Variants in NGEF observed in about 807,000 individuals in gnomAD.
NGEF encodes the protein ephexin-1.
A neutral mutation model predicts 80.9 loss-of-function variants in NGEF; 31 were observed. The observed-to-expected ratio is 0.38, with a 90% confidence interval of 0.29 to 0.52. The LOEUF is 0.52. Among genes scored for constraint, NGEF ranks in the 20% least tolerant of loss-of-function variants. The pLI is 0.84. For missense variants in NGEF, 709 were observed against 926.2 expected, an observed-to-expected ratio of 0.77 and a Z score of 3.04; for synonymous variants, 371 against 370.2, an observed-to-expected ratio of 1.00 and a Z score of -0.03.
intron 3 of NGEF, among the ~76,000 whole-genome samples, chr2:232,968,773 A>C (rs1694120401): frequency 6.6e-6 from 1 of 152,212 alleles, no homozygotes; most frequent in Non-Finnish European, 1.5e-5. Context: ...CATGTGACCC[A>C]GTTTTGGCTA....
At chr2:232,919,227 C>A (rs1343288987) in intron 5 of NGEF, among the ~76,000 whole-genome samples, 1 of 152,086 alleles carries the variant, frequency 6.6e-6, no homozygotes, top group African/African-American at 2.4e-5. Context: ...TTTAAATAAA[C>A]AAGAGCAAAT....
In NGEF at chr2:233,000,702, G is replaced by C. The variant is rs576621733; in HGVS notation, c.-75+12366C>G. ...GTGAACCTGGGAGGCGGAGCTTGCA[G>C]TGAGCCGAGATCGCGCCACTGCACT... On this transcript the variant is annotated intron_variant, in intron 1 of 14. Coordinates refer to ENST00000264051, the MANE Select transcript of NGEF (RefSeq NM_019850.3). 2.0e-5 allele frequency among the ~76,000 whole-genome samples: 3 copies of C among 151,570 alleles called. No individual in the cohort carries two copies. The South Asian group carries it at 6.3e-4, about 32-fold the overall frequency.
intron 3 of NGEF, among the ~76,000 whole-genome samples, chr2:232,937,291 G>A (rs556217903): frequency 5.8e-4 from 88 of 152,198 alleles, no homozygotes; most frequent in African/African-American, 2.1e-3. Flanking sequence ...AGAACACAGT[G>A]ACCACTTTCC....
chr2:232,882,799 A>G (rs781148053), intron 12 of NGEF, among the ~76,000 whole-genome samples: 4 of 152,042 alleles, frequency 2.6e-5, no homozygotes, highest in Non-Finnish European at 4.4e-5. Flanking sequence ...GCTCACTGCA[A>G]CCTCCACAGT....
At chr2:232,926,959 G>T in intron 4 of NGEF, 85 bp downstream of exon 4, 1 of 1,542,012 alleles carries the variant, frequency 6.5e-7, no homozygotes, top group Non-Finnish European at 8.9e-7. Flanking sequence ...GAAACACAAC[G>T]GCATCCCATG....
intron 3 of NGEF, chr2:232,928,124 AGCC>A (rs1262169114): frequency 3.0e-6 from 3 of 1,003,170 alleles, no homozygotes; most frequent in East Asian, 2.1e-4. Context: ...CCGGAGCTGC[AGCC>A]GCCGCCGCCA....
chr2:232,928,337 C>T (rs1179072339), intron 3 of NGEF, among the ~76,000 whole-genome samples: 1 of 150,648 alleles, frequency 6.6e-6, no homozygotes, highest in Admixed American at 6.6e-5. Flanking sequence ...CGCCTTCCTC[C>T]CCCGCGCCGC....
intron 10 of NGEF, among the ~76,000 whole-genome samples, chr2:232,884,737 A>G (rs1691621122): frequency 6.6e-6 from 1 of 152,214 alleles, no homozygotes; most frequent in Non-Finnish European, 1.5e-5. Context: ...TGGGACGCCC[A>G]GAAGACCGCC....
chr2:232,969,886 G>GT (rs769442489), intron 3 of NGEF, among the ~76,000 whole-genome samples: 1 of 151,634 alleles, frequency 6.6e-6, no homozygotes, highest in African/African-American at 2.4e-5. Context: ...AGTAACAATA[G>GT]TTTTTTTGTT....
intron 5 of NGEF, among the ~76,000 whole-genome samples, chr2:232,898,989 TGA>T (rs1310545498): frequency 6.6e-6 from 1 of 151,950 alleles, no homozygotes; most frequent in African/African-American, 2.4e-5. Flanking sequence ...TGTGTGAATG[TGA>T]GTGTGAATGG....
chr2:232,948,455 C>A (rs1693607630), intron 3 of NGEF, among the ~76,000 whole-genome samples: 1 of 151,918 alleles, frequency 6.6e-6, no homozygotes, highest in African/African-American at 2.4e-5. Context: ...AAGCTGTATG[C>A]TGGGTATTTA....
At position 232,943,558 on chromosome 2, in the gene NGEF, C is replaced by T. The variant is rs929573632; in HGVS notation, c.384-16372G>A. Among the ~76,000 whole-genome samples, 43 of 121,828 alleles carry T rather than the reference C, an allele frequency of 3.5e-4. No homozygotes were observed. In the South Asian group the frequency reaches 7.1e-3, roughly 20 times the overall value. 79.9% of individuals were successfully genotyped at this position (121,828 alleles called of 152,430 possible). On this transcript the variant is annotated intron_variant, in intron 3 of 14. Transcript: ENST00000264051. ...TCGCCCAGGCTGGAGTGCAGTGGCG[C>T]GATCTCGGCTCACTGCAAGCTCCGC...
chr2:232,901,564 C>CG (rs1692358357), intron 5 of NGEF: 3 of 420,688 alleles, frequency 7.1e-6, no homozygotes, highest in South Asian at 2.0e-4. Flanking sequence ...GCCAGCAGAC[C>CG]GTGGACTGAA....
In NGEF at chr2:232,894,740, TC is replaced by T. The variant is rs750822496; in HGVS notation, c.989+15del. The T allele has an allele frequency of 2.9e-5, 44 of 1,537,458 alleles. No individual in the cohort carries two copies. The highest frequency in any genetic ancestry group is 1.8e-4 in the Middle Eastern group (1 of 5,684). ...AGAAGGGCCCTGAGGGAGGTGGCTG[TC>T]CCCCCCGTCCTCACCGCTCACTGAC... On this transcript the variant is annotated intron_variant, in intron 6 of 14. Transcript: ENST00000264051.
chr2:233,005,041 G>A (rs369673882), intron 1 of NGEF, among the ~76,000 whole-genome samples: 8 of 152,174 alleles, frequency 5.3e-5, no homozygotes, highest in South Asian at 2.1e-4. Flanking sequence ...CTACTCCTTC[G>A]TCAGGACAGA....
chr2:232,901,307 T>C (rs1274995963), intron 5 of NGEF: 2 of 948,002 alleles, frequency 2.1e-6, no homozygotes, highest in African/African-American at 3.5e-5. Context: ...CAACCCTGCG[T>C]TCCCCACCCT....
intron 1 of NGEF, among the ~76,000 whole-genome samples, chr2:232,977,793 G>C (rs1694326958): frequency 6.6e-6 from 1 of 152,208 alleles, no homozygotes; most frequent in African/African-American, 2.4e-5. Flanking sequence ...GGGGGACATA[G>C]AGCACGTCCT....
intron 3 of NGEF, among the ~76,000 whole-genome samples, chr2:232,958,829 C>A (rs56406976): frequency 6.6e-6 from 1 of 151,914 alleles, no homozygotes; most frequent in Non-Finnish European, 1.5e-5. Context: ...ATTCATCACC[C>A]AGCTTCAAGA....
At position 232,984,258 on chromosome 2, in the gene NGEF, AT is replaced by A. The variant is rs11429177; in HGVS notation, c.-74-9295del. Among the ~76,000 whole-genome samples the A allele has an allele frequency of 3.4e-3, 501 of 145,310 alleles. 1 individual carries two copies. The highest frequency in any genetic ancestry group is 0.011 in the African/African-American group (432 of 39,400). On this transcript the variant is annotated intron_variant, in intron 1 of 14. Coordinates refer to ENST00000264051, the MANE Select transcript of NGEF (RefSeq NM_019850.3). ...TACCACCATGCCTGGTTAATTTTCA[AT>A]TTTTTTTTTTTTTGTAGGGGTGGAT...
Sources: gnomAD v4.1 joint callset for allele counts (sites outside exome capture counted in the v4.1 genomes callset) on GRCh38, gnomAD v4.1.1 for gene constraint, MANE v1.5 for transcripts, NCBI Gene and HGNC (gene_info 2026-07-23, HGNC 2026-07-21) for gene names.